Variants in CDH13 observed in about 807,000 individuals in gnomAD.
The protein encoded by CDH13 is cadherin 13, also known as cadherin-13.
In CDH13, 24 loss-of-function variants were observed where a neutral mutation model predicts 63.8. The ratio of observed to expected loss-of-function variants is 0.38; its 90% confidence interval spans 0.27 to 0.53. The LOEUF is 0.53. Ranked by LOEUF, CDH13 falls within the 20% of genes least tolerant of loss-of-function variation. The pLI is 0.85. For missense variants in CDH13, 1,049 were observed against 903.1 expected (o/e 1.16, Z -2.07); for synonymous variants, 503 against 355.3 (o/e 1.42, Z -4.67).
chr16:83,776,703 G>A lies in CDH13; in HGVS notation c.1682-3265G>A, dbSNP rs981147686. ...CAGTAACATTCTCCTTACAAAATCCGGTTACTTCTCTTCACTTCTTATCCT... is the reference window on the plus strand; with the variant it reads ...CAGTAACATTCTCCTTACAAAATCCAGTTACTTCTCTTCACTTCTTATCCT... On this transcript the variant is annotated intron_variant, in intron 11 of 13. Coordinates refer to ENST00000567109, the MANE Select transcript of CDH13 (RefSeq NM_001257.5). 5.9e-5 allele frequency among the ~76,000 whole-genome samples: 9 copies of A among 152,190 alleles called. No homozygotes were observed. In the East Asian group the frequency reaches 7.7e-4, roughly 13 times the overall value.
At chr16:83,105,667 A>G (rs999887562) in intron 3 of CDH13, among the ~76,000 whole-genome samples, 8 of 152,180 alleles carry the variant, frequency 5.3e-5, no homozygotes, top group African/African-American at 1.7e-4. Context: ...AGTTAAAAAA[A>G]AAATAAAGCC....
At chr16:83,391,641 G>C (rs1364262919) in intron 6 of CDH13, among the ~76,000 whole-genome samples, 1 of 152,102 alleles carries the variant, frequency 6.6e-6, no homozygotes, top group East Asian at 1.9e-4. Flanking sequence ...AAGTGGTCCC[G>C]CCAGAGTATC....
At chr16:83,075,843 C>G (rs908712817) in intron 3 of CDH13, among the ~76,000 whole-genome samples, 1 of 152,108 alleles carries the variant, frequency 6.6e-6, no homozygotes, top group Non-Finnish European at 1.5e-5. Flanking sequence ...TGTTAGAAGT[C>G]AAATCAGTTA....
chr16:83,145,446 G>C (rs1234028777), intron 4 of CDH13, among the ~76,000 whole-genome samples: 1 of 152,172 alleles, frequency 6.6e-6, no homozygotes, highest in East Asian at 1.9e-4. Context: ...AAGTGTTCTT[G>C]GCATGTCATG....
Position 83,342,006 on chromosome 16 carries a change from C to CACACACACAA in CDH13, c.637-2847_637-2846insAACACACACA, listed in dbSNP as rs1294812456. On this transcript the variant is annotated intron_variant, in intron 5 of 13. Transcript: ENST00000567109. ...GTCCCCTGCCACACACACACACACA[C>CACACACACAA]ACACACACACACACACACACACACA... Among the ~76,000 whole-genome samples, 24 of 151,426 alleles carry CACACACACAA rather than the reference C, an allele frequency of 1.6e-4. No homozygotes were observed. The South Asian group carries it at 5.0e-3, about 32-fold the overall frequency.
chr16:83,240,445 G>A (rs1356627428), intron 5 of CDH13, among the ~76,000 whole-genome samples: 1 of 152,082 alleles, frequency 6.6e-6, no homozygotes, highest in Non-Finnish European at 1.5e-5. Flanking sequence ...GAGGAGCCAA[G>A]CTGGAGGTTA....
chr16:82,631,686 CT>C (rs1292536291), intron 1 of CDH13, among the ~76,000 whole-genome samples: 1 of 152,210 alleles, frequency 6.6e-6, no homozygotes, highest in Non-Finnish European at 1.5e-5. Context: ...GCTGTAGGAT[CT>C]CTTGCTCCTG....
At chr16:83,247,192 C>A (rs1223852102) in intron 5 of CDH13, among the ~76,000 whole-genome samples, 1 of 152,108 alleles carries the variant, frequency 6.6e-6, no homozygotes, top group African/African-American at 2.4e-5. Context: ...AGCAAAGGAA[C>A]ATGGGGTTTT....
chr16:83,136,796 C>A (rs551460847), intron 4 of CDH13, among the ~76,000 whole-genome samples: 2 of 152,252 alleles, frequency 1.3e-5, no homozygotes, highest in South Asian at 2.1e-4. Flanking sequence ...ATGCAGGTTC[C>A]CAGATTCGTA....
At chr16:83,035,972 ACAG>A (rs1035158699) in intron 3 of CDH13, among the ~76,000 whole-genome samples, 15 of 152,058 alleles carry the variant, frequency 9.9e-5, no homozygotes, top group Admixed American at 9.2e-4. Context: ...CATCCTCACA[ACAG>A]TATGCTAAGG....
At chr16:82,766,612 T>C (rs1049414473) in intron 1 of CDH13, among the ~76,000 whole-genome samples, 2 of 152,210 alleles carry the variant, frequency 1.3e-5, no homozygotes, top group African/African-American at 4.8e-5. Flanking sequence ...TAATGCTTCA[T>C]ACAGAGACAG....
intron 1 of CDH13, among the ~76,000 whole-genome samples, chr16:82,775,355 T>G (rs2035446883): frequency 6.6e-6 from 1 of 152,194 alleles, no homozygotes; most frequent in African/African-American, 2.4e-5. Flanking sequence ...CAAGTCCAGT[T>G]ATATTACTTA....
At chr16:82,824,156 T>C (rs1181619683) in intron 1 of CDH13, 1 of 152,170 alleles carries the variant, frequency 6.6e-6, no homozygotes, top group Admixed American at 6.5e-5. Context: ...ATGAGATAAT[T>C]TGAGCCTCAA....
At chr16:83,037,237 A>C (rs908914036) in intron 3 of CDH13, among the ~76,000 whole-genome samples, 3 of 152,200 alleles carry the variant, frequency 2.0e-5, no homozygotes, top group African/African-American at 7.2e-5. Context: ...TCTAATTCTC[A>C]CAACCTCCCT....
Position 82,703,983 on chromosome 16 carries a change from A to T in CDH13, c.45+76846A>T, listed in dbSNP as rs547616569. ...TATCTGTTTCCAATTTGTGTTTTCA[A>T]GGCTTCGGTTTTTCTCCTTTCTGCT... On this transcript the variant is annotated intron_variant, in intron 1 of 13. Transcript: ENST00000567109. Among the ~76,000 whole-genome samples the T allele has an allele frequency of 3.9e-5, 6 of 152,258 alleles. No homozygotes were observed. In the South Asian group the frequency reaches 1.2e-3, roughly 32 times the overall value.
At chr16:83,286,011 G>A (rs554400682) in intron 5 of CDH13, among the ~76,000 whole-genome samples, 7 of 152,120 alleles carry the variant, frequency 4.6e-5, no homozygotes, top group Non-Finnish European at 7.3e-5. Flanking sequence ...GCAAAGAGCC[G>A]TTGCCCAAGA....
Position 82,695,342 on chromosome 16 carries a change from T to C in CDH13, c.45+68205T>C, listed in dbSNP as rs60109238. Among the ~76,000 whole-genome samples, 471 of 152,358 alleles carry C rather than the reference T, an allele frequency of 3.1e-3. 3 individuals are homozygous for C. Among genetic ancestry groups the C allele is most frequent in the African/African-American group, 0.011 (458 of 41,592 alleles). ...AAAGCAAATACCAATTTGCTTCTAA[T>C]TCTGGATCTCTTACTCAGGACTTGG... On this transcript the variant is annotated intron_variant, in intron 1 of 13. Coordinates refer to ENST00000567109, the MANE Select transcript of CDH13 (RefSeq NM_001257.5).
At chr16:82,981,295 C>T (rs1910229362) in intron 2 of CDH13, among the ~76,000 whole-genome samples, 1 of 152,142 alleles carries the variant, frequency 6.6e-6, no homozygotes, top group Non-Finnish European at 1.5e-5. Context: ...CTCAAGAATG[C>T]TCAATTCACC....
intron 2 of CDH13, among the ~76,000 whole-genome samples, chr16:82,906,144 A>T (rs1332180617): frequency 6.6e-6 from 1 of 152,210 alleles, no homozygotes; most frequent in African/African-American, 2.4e-5. Context: ...AGGAAAGAGA[A>T]TCTCTGACAC....
Sources: gnomAD v4.1 joint callset for allele counts (sites outside exome capture counted in the v4.1 genomes callset) on GRCh38, gnomAD v4.1.1 for gene constraint, MANE v1.5 for transcripts, NCBI Gene and HGNC (gene_info 2026-07-23, HGNC 2026-07-21) for gene names.